ZNF875: variants seen among roughly 807,000 people sequenced by gnomAD.
The protein encoded by ZNF875 is zinc finger protein 875, also known as HKR1, GLI-Kruppel zinc finger family member.
ZNF875 carries 14 observed loss-of-function variants against 11.2 expected under a neutral mutation model. The ratio of observed to expected loss-of-function variants is 1.26; its 90% CI spans 0.83 to 1.96. The LOEUF is 1.96. Among genes scored for constraint, ZNF875 ranks in the 30% most tolerant of loss-of-function variants. The pLI is 0.00. For synonymous variants in ZNF875, 301 were observed against 281.1 expected, an observed-to-expected ratio of 1.07 and a Z score of -0.71; for missense variants, 752 against 760.4, an observed-to-expected ratio of 0.99 and a Z score of 0.13.
Position 37,335,248 on chromosome 19 carries a change from CA to C in ZNF875, c.30del (p.Glu11ArgfsTer21). 2.9e-6 allele frequency: 2 copies of C among 695,736 alleles called. No homozygotes were observed. Among genetic ancestry groups the C allele is most frequent in the South Asian group, 1.5e-5 (1 of 67,014 alleles). The allele number at this position is 695,736 out of a possible 1,614,324, so 43.1% of individuals were successfully genotyped here. ...AAATGGCCACAGGGCTCCTGAGAGCCAAAAAAGAGGTGAGAATTAACTGTAA... is the reference window on the plus strand; with the variant it reads ...AAATGGCCACAGGGCTCCTGAGAGCCAAAAAGAGGTGAGAATTAACTGTAA... MATGLLRA[K>X]KEAFVAFRDV... On this transcript the variant is annotated frameshift_variant, in exon 2 of 5. Transcript: ENST00000392153. LOFTEE classifies it high-confidence loss of function.
intron 4 of ZNF875, among the ~76,000 whole-genome samples, chr19:37,352,303 G>T (rs974223344): frequency 3.3e-5 from 5 of 151,684 alleles, no homozygotes; most frequent in East Asian, 1.9e-4. Context: ...GCTTGGAGAT[G>T]CCACGACCAA....
Position 37,362,584 on chromosome 19 carries a change from C to T in ZNF875, c.732C>T (p.Leu244=). Residue 244 remains leucine (L), a synonymous_variant, in exon 5 of 5, where the codon CTC becomes CTT. Coordinates refer to ENST00000392153, the MANE Select transcript of ZNF875 (RefSeq NM_001353803.2). ...GFIKESNLLS[L]QKTQTGETPY... is the part of the protein sequence containing the mutation. ...TCAAGGAGTCAAACCTCCTTAGCCT[C>T]CAGAAGACACAAACTGGGGAGACAC... The T allele has an allele frequency of 6.2e-7, 1 of 1,614,118 alleles. No individual in the cohort carries two copies. Among genetic ancestry groups the T allele is most frequent in the Non-Finnish European group, 8.5e-7 (1 of 1,180,022 alleles).
rs555809509 is a variant in ZNF875 at position 37,363,684 on chromosome 19, C to G, written c.1832C>G (p.Ser611Ter). ...SHLIRHQRTHSGEKPYICRKC... is the reference protein window; with the variant it reads ...SHLIRHQRTH Reference sequence around the variant, plus strand: ...CTCATTAGACACCAGAGGACACATTCAGGAGAGAAGCCTTATATTTGCAGA... The same window carrying G: ...CTCATTAGACACCAGAGGACACATTGAGGAGAGAAGCCTTATATTTGCAGA... Residue 611 changes from serine (S) to a stop codon, truncating the protein, a stop_gained, in exon 5 of 5, where the codon TCA becomes TGA. Coordinates refer to ENST00000392153, the MANE Select transcript of ZNF875 (RefSeq NM_001353803.2). LOFTEE classifies it low-confidence loss of function (END_TRUNC). The G allele has an allele frequency of 1.2e-6, 2 of 1,613,266 alleles. No individual in the cohort carries two copies. Among genetic ancestry groups the G allele is most frequent in the Non-Finnish European group, 1.7e-6 (2 of 1,179,456 alleles).
chr19:37,316,541 TG>T (rs1354935122), upstream of ZNF875, among the ~76,000 whole-genome samples: 2 of 150,868 alleles, frequency 1.3e-5, no homozygotes, highest in African/African-American at 2.4e-5. Context: ...GGCTAATTTT[TG>T]TTTTTTTAGT....
At chr19:37,338,513 G>A (rs1044290480) in intron 2 of ZNF875, among the ~76,000 whole-genome samples, 2 of 152,178 alleles carry the variant, frequency 1.3e-5, no homozygotes, top group Non-Finnish European at 2.9e-5. Flanking sequence ...TGTGGTAGCT[G>A]ACTTTTCCTG....
intron 2 of ZNF875, chr19:37,344,647 C>T: frequency 6.3e-7 from 1 of 1,594,362 alleles, no homozygotes; most frequent in Non-Finnish European, 8.6e-7. Flanking sequence ...AAGCTTCTAG[C>T]TGTGTTTCTA....
Position 37,363,497 on chromosome 19 carries a change from C to T in ZNF875, c.1645C>T (p.Leu549=). 3 of 1,613,538 alleles carry T rather than the reference C, an allele frequency of 1.9e-6. No individual in the cohort carries two copies. The highest frequency in any genetic ancestry group is 2.5e-6 in the Non-Finnish European group (3 of 1,179,734). ...CGRRFRQKPN[L]FRHKRAHSGA... ...CAGAAGGTTTCGGCAGAAGCCTAACCTGTTTAGGCACAAGAGGGCACACTC... is the reference window on the plus strand; with the variant it reads ...CAGAAGGTTTCGGCAGAAGCCTAACTTGTTTAGGCACAAGAGGGCACACTC... Residue 549 remains leucine (L), a synonymous_variant, in exon 5 of 5, where the codon CTG becomes TTG. Transcript: ENST00000392153.
intron 2 of ZNF875, among the ~76,000 whole-genome samples, chr19:37,340,697 G>A (rs1208972689): frequency 7.1e-6 from 1 of 139,890 alleles, no homozygotes; most frequent in African/African-American, 2.7e-5. Context: ...CGCCCAGGCT[G>A]GAGTGCAGTG....
upstream of ZNF875, among the ~76,000 whole-genome samples, chr19:37,329,683 G>A (rs1456134196): frequency 1.3e-5 from 2 of 152,092 alleles, no homozygotes; most frequent in African/African-American, 2.4e-5. Context: ...ACCTGAACAC[G>A]TATTAAATAT....
chr19:37,317,297 T>G (rs1026914932), upstream of ZNF875, among the ~76,000 whole-genome samples: 7 of 140,610 alleles, frequency 5.0e-5, no homozygotes, highest in Non-Finnish European at 1.1e-4. Flanking sequence ...GCCATTCTCC[T>G]GCCTCAGCCT....
chr19:37,339,627 C>T (rs1438979613), intron 2 of ZNF875, among the ~76,000 whole-genome samples: 1 of 138,994 alleles, frequency 7.2e-6, no homozygotes, highest in Admixed American at 7.9e-5. Flanking sequence ...GTGGTGCAAT[C>T]GATCTCGCCT....
upstream of ZNF875, among the ~76,000 whole-genome samples, chr19:37,332,674 A>G (rs930735680): frequency 5.9e-5 from 9 of 152,146 alleles, no homozygotes; most frequent in Non-Finnish European, 8.8e-5. Flanking sequence ...TCAGTGACAC[A>G]GTGGTTTGTA....
chr19:37,333,474 C>G (rs1182674901), upstream of ZNF875, among the ~76,000 whole-genome samples: 2 of 152,152 alleles, frequency 1.3e-5, no homozygotes, highest in Admixed American at 1.3e-4. Context: ...ACCCAACATG[C>G]AAACCTTGTT....
chr19:37,319,997 C>T (rs1303225355), intron 1 of ZNF875, among the ~76,000 whole-genome samples: 1 of 152,206 alleles, frequency 6.6e-6, no homozygotes, highest in African/African-American at 2.4e-5. Context: ...CGCCATTCTC[C>T]TGCCTCAGCC....
At chr19:37,353,058 G>A (rs996409030) in intron 4 of ZNF875, among the ~76,000 whole-genome samples, 1 of 151,778 alleles carries the variant, frequency 6.6e-6, no homozygotes, top group Non-Finnish European at 1.5e-5. Flanking sequence ...ATTGTCAGTA[G>A]AGATGGGATT....
chr19:37,314,528 G>A (rs2030099133), upstream of ZNF875, among the ~76,000 whole-genome samples: 1 of 152,038 alleles, frequency 6.6e-6, no homozygotes, highest in African/African-American at 2.4e-5. Context: ...CTGAAACAAC[G>A]GAAACTCAAT....
Position 37,363,508 on chromosome 19 carries a change from C to G in ZNF875, c.1656C>G (p.His552Gln). The stretch of plus-strand genomic sequence containing the variant: ...GGCAGAAGCCTAACCTGTTTAGGCA[C>G]AAGAGGGCACACTCAGGTGCCTTTG... ...RFRQKPNLFR[H>Q]KRAHSGAFVC... Residue 552 changes from histidine (H) to glutamine (Q), a missense_variant, in exon 5 of 5, where the codon CAC becomes CAG. Coordinates refer to ENST00000392153, the MANE Select transcript of ZNF875 (RefSeq NM_001353803.2). The G allele has an allele frequency of 6.2e-7, 1 of 1,612,720 alleles. No homozygotes were observed. Among genetic ancestry groups the G allele is most frequent in the Non-Finnish European group, 8.5e-7 (1 of 1,179,270 alleles).
intron 2 of ZNF875, among the ~76,000 whole-genome samples, chr19:37,340,064 C>T (rs1479784797): frequency 6.6e-6 from 1 of 151,772 alleles, no homozygotes; most frequent in African/African-American, 2.4e-5. Context: ...CTCACTGCAA[C>T]CTCCGCCTCC....
At chr19:37,358,928 T>G (rs1664389630) in intron 4 of ZNF875, among the ~76,000 whole-genome samples, 1 of 152,026 alleles carries the variant, frequency 6.6e-6, no homozygotes, top group South Asian at 2.1e-4. Flanking sequence ...GAGATGGAGT[T>G]TCACTGTTGT....
Sources: allele counts gnomAD v4.1 joint callset (sites outside exome capture counted in the v4.1 genomes callset), GRCh38; gene constraint gnomAD v4.1.1; transcripts MANE v1.5; gene names NCBI Gene and HGNC (gene_info 2026-07-23, HGNC 2026-07-21).